The following ZBTB20 variants were observed in gnomAD, a reference collection of about 807,000 sequenced individuals.
The protein encoded by ZBTB20 is zinc finger and BTB domain-containing protein 20.
A neutral mutation model predicts 56.9 loss-of-function variants in ZBTB20; 9 were observed. The observed-to-expected ratio is 0.16, with a 90% confidence interval of 0.10 to 0.28. ZBTB20 has a LOEUF of 0.28. Among genes scored for constraint, ZBTB20 ranks in the 10% least tolerant of loss-of-function variants. ZBTB20 has a pLI of 1.00. For synonymous variants in ZBTB20, 417 were observed against 420.7 expected (o/e 0.99, Z 0.11); for missense variants, 655 against 1,003.0 (o/e 0.65, Z 4.69).
At chr3:115,075,721 C>T (rs547410898) in intron 1 of ZBTB20, among the ~76,000 whole-genome samples, 2 of 152,196 alleles carry the variant, frequency 1.3e-5, no homozygotes, top group South Asian at 4.2e-4. Context: ...ATCAGCAACA[C>T]AGCAAGGATG....
At chr3:114,569,644 G>C (rs764361721) in intron 6 of ZBTB20, among the ~76,000 whole-genome samples, 1 of 152,206 alleles carries the variant, frequency 6.6e-6, no homozygotes, top group Non-Finnish European at 1.5e-5. Context: ...GATGTCCATA[G>C]GTGAGTTTTA....
chr3:114,995,218 A>T (rs2078976619), intron 2 of ZBTB20, among the ~76,000 whole-genome samples: 1 of 151,926 alleles, frequency 6.6e-6, no homozygotes, highest in African/African-American at 2.4e-5. Context: ...TGCAATGACT[A>T]ATTTCTGTAA....
chr3:115,117,999 A>C (rs1269504443), intron 1 of ZBTB20, among the ~76,000 whole-genome samples: 5 of 152,198 alleles, frequency 3.3e-5, no homozygotes. Context: ...TTCCACATTC[A>C]CTACCTGTGA....
intron 6 of ZBTB20, among the ~76,000 whole-genome samples, chr3:114,625,430 A>C (rs2058602972): frequency 6.6e-6 from 1 of 152,190 alleles, no homozygotes; most frequent in African/African-American, 2.4e-5. Context: ...CTGTTTTCCC[A>C]ATTCAGTAAG....
At chr3:114,756,749 T>G (rs920114235) in intron 5 of ZBTB20, among the ~76,000 whole-genome samples, 26 of 152,174 alleles carry the variant, frequency 1.7e-4, no homozygotes, top group Non-Finnish European at 1.9e-4. Flanking sequence ...CTCAGTCTGA[T>G]TCTAGTAAAA....
At chr3:114,707,427 C>A (rs776890586) in intron 5 of ZBTB20, among the ~76,000 whole-genome samples, 1 of 152,154 alleles carries the variant, frequency 6.6e-6, no homozygotes, top group African/African-American at 2.4e-5. Context: ...AAGTCCACCA[C>A]AGTACTTCAA....
chr3:114,465,470 G>A (rs1203830925), intron 7 of ZBTB20, among the ~76,000 whole-genome samples: 1 of 152,122 alleles, frequency 6.6e-6, no homozygotes, highest in East Asian at 1.9e-4. Context: ...ACTTTGGGAG[G>A]CCGAGGCGGG....
intron 1 of ZBTB20, among the ~76,000 whole-genome samples, chr3:115,132,212 C>A (rs2084526900): frequency 1.3e-5 from 2 of 152,072 alleles, no homozygotes; most frequent in African/African-American, 4.8e-5. Flanking sequence ...ATTTTAATAT[C>A]TTTGTTTTCA....
Position 114,971,773 on chromosome 3 carries a change from G to A in ZBTB20, c.-456+2593C>T, listed in dbSNP as rs142336114. Among the ~76,000 whole-genome samples, 8 of 152,310 alleles carry A rather than the reference G, an allele frequency of 5.3e-5. No homozygotes were observed. The East Asian group carries it at 1.4e-3, about 26-fold the overall frequency. On this transcript the variant is annotated intron_variant, in intron 3 of 11. Coordinates refer to ENST00000675478, the MANE Select transcript of ZBTB20 (RefSeq NM_001348800.3). ...ACTCCTCTGGGCAGTGATCAGCTAA[G>A]ATGGAACAGAGACAGTTACAATGCA...
intron 5 of ZBTB20, among the ~76,000 whole-genome samples, chr3:114,752,780 T>C (rs1370491057): frequency 6.6e-6 from 1 of 152,180 alleles, no homozygotes; most frequent in East Asian, 1.9e-4. Flanking sequence ...CAGAACCTTA[T>C]GAAGGCCACA....
intron 5 of ZBTB20, among the ~76,000 whole-genome samples, chr3:114,726,517 T>G (rs2065291728): frequency 6.6e-6 from 1 of 152,174 alleles, no homozygotes; most frequent in Non-Finnish European, 1.5e-5. Context: ...CCTCAAAGTT[T>G]CTTATTCAGT....
At chr3:114,896,687 G>T (rs1340736778) in intron 4 of ZBTB20, among the ~76,000 whole-genome samples, 1 of 152,042 alleles carries the variant, frequency 6.6e-6, no homozygotes, top group Non-Finnish European at 1.5e-5. Flanking sequence ...ATGTATTGTG[G>T]TGATGGCTGT....
At chr3:114,809,524 A>G (rs1162927681) in intron 4 of ZBTB20, among the ~76,000 whole-genome samples, 2 of 152,094 alleles carry the variant, frequency 1.3e-5, no homozygotes, top group East Asian at 3.8e-4. Flanking sequence ...CTTTTAAAAT[A>G]ACACTTATGT....
intron 6 of ZBTB20, among the ~76,000 whole-genome samples, chr3:114,535,953 T>A (rs978244917): frequency 6.6e-6 from 1 of 152,176 alleles, no homozygotes; most frequent in Non-Finnish European, 1.5e-5. Context: ...AACACCGCTT[T>A]ATGCTAAAAT....
At chr3:114,494,765 A>ACCCATTTCCTCTTTACACTAAGCTATGCT in intron 7 of ZBTB20, among the ~76,000 whole-genome samples, 1 of 152,148 alleles carries the variant, frequency 6.6e-6, no homozygotes, top group Non-Finnish European at 1.5e-5. Flanking sequence ...GAGTCAGCAA[A>ACCCATTTCCTCTTTACACTAAGCTATGCT]CCCATTTCCT....
At chr3:114,537,592 T>C (rs993622673) in intron 6 of ZBTB20, among the ~76,000 whole-genome samples, 1 of 152,076 alleles carries the variant, frequency 6.6e-6, no homozygotes, top group African/African-American at 2.4e-5. Flanking sequence ...TCATCAAGGA[T>C]CTAGAACCAA....
intron 6 of ZBTB20, among the ~76,000 whole-genome samples, chr3:114,510,691 C>T (rs2045257882): frequency 6.6e-6 from 1 of 152,052 alleles, no homozygotes. Flanking sequence ...GTGCAAAATA[C>T]TAAGAAATCC....
chr3:114,467,749 T>C (rs909894834), intron 7 of ZBTB20, among the ~76,000 whole-genome samples: 3 of 152,228 alleles, frequency 2.0e-5, no homozygotes, highest in African/African-American at 7.2e-5. Flanking sequence ...CCAAACTTTA[T>C]GGTTTGATTT....
At chr3:114,485,988 C>T (rs2042079346) in intron 7 of ZBTB20, among the ~76,000 whole-genome samples, 1 of 151,786 alleles carries the variant, frequency 6.6e-6, no homozygotes, top group Non-Finnish European at 1.5e-5. Flanking sequence ...AAATGTAATC[C>T]CTCATTTTCT....
Sources: gnomAD v4.1 joint callset for allele counts (sites outside exome capture counted in the v4.1 genomes callset) on GRCh38, gnomAD v4.1.1 for gene constraint, MANE v1.5 for transcripts, NCBI Gene and HGNC (gene_info 2026-07-23, HGNC 2026-07-21) for gene names.